Variants in OXR1 observed in about 807,000 individuals in gnomAD.
The protein encoded by OXR1 is oxidation resistance protein 1.
OXR1 carries 41 observed loss-of-function variants against 104.6 expected under a neutral mutation model. That is an observed-to-expected ratio of 0.39 (90% CI 0.31 to 0.51). OXR1 has a LOEUF of 0.51. OXR1 is among the 20% of genes least tolerant of loss of function. OXR1 has a pLI of 0.77. For missense variants in OXR1, 955 were observed against 1,031.9 expected, an observed-to-expected ratio of 0.93 and a Z score of 1.02; for synonymous variants, 348 against 348.4, an observed-to-expected ratio of 1.00 and a Z score of 0.01.
chr8:106,286,150 C>T, intron 1 of OXR1, among the ~76,000 whole-genome samples: 1 of 152,004 alleles, frequency 6.6e-6, no homozygotes, highest in East Asian at 1.9e-4. Context: ...TCTCATGGAG[C>T]TTACAAAGCT....
At chr8:106,644,729 A>T (rs2130963542) in intron 3 of OXR1, among the ~76,000 whole-genome samples, 1 of 152,296 alleles carries the variant, frequency 6.6e-6, no homozygotes, top group South Asian at 2.1e-4. Context: ...TGGTTGCCAG[A>T]TCTAGTCTCA....
At chr8:106,725,997 C>T in intron 11 of OXR1, 2 of 456,112 alleles carry the variant, frequency 4.4e-6, no homozygotes, top group South Asian at 4.1e-5. Context: ...ACAGTGCAAC[C>T]AAACTTAAGC....
chr8:106,554,642 T>C (rs1398367503), intron 3 of OXR1, among the ~76,000 whole-genome samples: 1 of 152,180 alleles, frequency 6.6e-6, no homozygotes, highest in Non-Finnish European at 1.5e-5. Context: ...TCTACAATTA[T>C]TTTTAAATAG....
At chr8:106,515,348 G>A (rs769719355) in intron 2 of OXR1, among the ~76,000 whole-genome samples, 17 of 152,024 alleles carry the variant, frequency 1.1e-4, no homozygotes, top group Non-Finnish European at 2.4e-4. Flanking sequence ...AGCAGTTTTC[G>A]AAATACACTA....
intron 2 of OXR1, among the ~76,000 whole-genome samples, chr8:106,373,633 AGG>A (rs1586578903): frequency 6.6e-6 from 1 of 152,316 alleles, no homozygotes; most frequent in East Asian, 1.9e-4. Context: ...TCTGTCACCC[AGG>A]CTGGAGTGCA....
In OXR1 at chr8:106,497,704, G is replaced by C. The variant is rs540767395; in HGVS notation, c.24-21239G>C. 2.6e-5 allele frequency among the ~76,000 whole-genome samples: 4 copies of C among 152,220 alleles called. No individual in the cohort carries two copies. In the East Asian group the frequency reaches 7.7e-4, roughly 29 times the overall value. Reference sequence around the variant, plus strand: ...TTGAATGACTCTGATGTTTGTTTCAGTTGCATTGTAATGTGTATTAGATGA... The same window carrying C: ...TTGAATGACTCTGATGTTTGTTTCACTTGCATTGTAATGTGTATTAGATGA... On this transcript the variant is annotated intron_variant, in intron 2 of 16. Transcript: ENST00000517566.
At chr8:106,394,757 A>G in intron 2 of OXR1, among the ~76,000 whole-genome samples, 1 of 152,120 alleles carries the variant, frequency 6.6e-6, no homozygotes, top group Non-Finnish European at 1.5e-5. Context: ...GGGAGAGGAC[A>G]ATAGTTGACC....
chr8:106,505,315 T>C (rs1024855619), intron 2 of OXR1, among the ~76,000 whole-genome samples: 6 of 152,228 alleles, frequency 3.9e-5, no homozygotes, highest in Non-Finnish European at 8.8e-5. Flanking sequence ...ATGAACTGAT[T>C]GATTCACTCA....
chr8:106,366,833 C>A (rs557287767), intron 2 of OXR1, among the ~76,000 whole-genome samples: 2 of 149,046 alleles, frequency 1.3e-5, no homozygotes, highest in East Asian at 2.0e-4. Context: ...TAGAGTAACT[C>A]AAGTTTAGGG....
intron 2 of OXR1, among the ~76,000 whole-genome samples, chr8:106,391,910 C>T (rs1817599676): frequency 6.6e-6 from 1 of 152,066 alleles, no homozygotes; most frequent in South Asian, 2.1e-4. Flanking sequence ...CACACCATAC[C>T]CTGGCACTGC....
At chr8:106,387,790 G>A (rs1374251509) in intron 2 of OXR1, among the ~76,000 whole-genome samples, 2 of 152,158 alleles carry the variant, frequency 1.3e-5, no homozygotes, top group Non-Finnish European at 2.9e-5. Flanking sequence ...GTACCCAGAA[G>A]GTGTTCATTA....
chr8:106,401,649 T>C (rs1022277368), intron 2 of OXR1, among the ~76,000 whole-genome samples: 1 of 152,152 alleles, frequency 6.6e-6, no homozygotes, highest in Admixed American at 6.6e-5. Flanking sequence ...CTTTTTTGGT[T>C]GTAGGAGGGG....
At chr8:106,273,798 C>T (rs1458754951) in intron 1 of OXR1, among the ~76,000 whole-genome samples, 3 of 152,000 alleles carry the variant, frequency 2.0e-5, no homozygotes, top group Admixed American at 1.3e-4. Context: ...CTTTAAAAAA[C>T]AAACAAACAA....
chr8:106,601,328 C>CGGCTGCTAAA (rs1819954726), intron 3 of OXR1, among the ~76,000 whole-genome samples: 1 of 152,104 alleles, frequency 6.6e-6, no homozygotes, highest in Non-Finnish European at 1.5e-5. Flanking sequence ...AACAGAATAC[C>CGGCTGCTAAA]ACAGACTGAG....
chr8:106,281,161 G>C (rs1812264237), intron 1 of OXR1, among the ~76,000 whole-genome samples: 1 of 152,136 alleles, frequency 6.6e-6, no homozygotes, highest in South Asian at 2.1e-4. Context: ...AGCATAGTTT[G>C]GTGCCACATG....
intron 6 of OXR1, among the ~76,000 whole-genome samples, chr8:106,689,704 A>G (rs1224150683): frequency 6.6e-6 from 1 of 151,932 alleles, no homozygotes; most frequent in Non-Finnish European, 1.5e-5. Context: ...TTAATTTCTC[A>G]TAGGGTTTTG....
chr8:106,525,307 A>G (rs141581845), intron 3 of OXR1, among the ~76,000 whole-genome samples: 1 of 152,338 alleles, frequency 6.6e-6, no homozygotes, highest in East Asian at 1.9e-4. Context: ...CATGAAAATC[A>G]GAAGTCCAGA....
chr8:106,528,939 G>T (rs1236137240), intron 3 of OXR1, among the ~76,000 whole-genome samples: 1 of 152,142 alleles, frequency 6.6e-6, no homozygotes, highest in Non-Finnish European at 1.5e-5. Flanking sequence ...TTAAATTCTT[G>T]AGAACTATGA....
At chr8:106,519,362 C>A (rs1385785661) in intron 3 of OXR1, among the ~76,000 whole-genome samples, 6 of 152,188 alleles carry the variant, frequency 3.9e-5, no homozygotes, top group Non-Finnish European at 7.3e-5. Context: ...CCTTCTATAT[C>A]CTAACCTAGG....
Sources: gnomAD v4.1 joint callset for allele counts (sites outside exome capture counted in the v4.1 genomes callset) on GRCh38, gnomAD v4.1.1 for gene constraint, MANE v1.5 for transcripts, NCBI Gene and HGNC (gene_info 2026-07-23, HGNC 2026-07-21) for gene names.